KALRN: variants seen among roughly 807,000 people sequenced by gnomAD.
KALRN encodes kalirin.
A neutral mutation model predicts 353.7 loss-of-function variants in KALRN; 70 were observed. That is an observed-to-expected ratio of 0.20 (90% CI 0.16 to 0.24). KALRN has a LOEUF of 0.24. Among genes scored for constraint, KALRN ranks in the 10% least tolerant of loss-of-function variants. The pLI, the probability that KALRN is intolerant of heterozygous loss-of-function variation, is 1.00. For missense variants in KALRN, 2,791 were observed against 3,756.7 expected (o/e 0.74, Z 6.72); for synonymous variants, 1,391 against 1,434.8 (o/e 0.97, Z 0.69).
At chr3:124,195,914 G>A (rs1354189710) in intron 1 of KALRN, among the ~76,000 whole-genome samples, 1 of 152,188 alleles carries the variant, frequency 6.6e-6, no homozygotes, top group Non-Finnish European at 1.5e-5. Context: ...TTTGCTTTGG[G>A]AGAAGGAAGA....
At chr3:124,572,637 G>A (rs987504665) in intron 34 of KALRN, among the ~76,000 whole-genome samples, 11 of 152,136 alleles carry the variant, frequency 7.2e-5, no homozygotes, top group African/African-American at 2.7e-4. Context: ...GAGGCTCAAG[G>A]GTAGAAATGT....
intron 1 of KALRN, among the ~76,000 whole-genome samples, chr3:124,045,788 G>T (rs912441643): frequency 1.3e-5 from 2 of 151,362 alleles, no homozygotes; most frequent in Non-Finnish European, 2.9e-5. Context: ...ACAGGTGATT[G>T]CAGTGTAGTA....
intron 28 of KALRN, among the ~76,000 whole-genome samples, chr3:124,485,888 G>T (rs753171495): frequency 6.6e-6 from 1 of 152,052 alleles, no homozygotes; most frequent in South Asian, 2.1e-4. Flanking sequence ...TCAAAAAAAA[G>T]AAGAAGATAG....
At chr3:124,326,657 G>A (rs2079946169) in intron 7 of KALRN, among the ~76,000 whole-genome samples, 1 of 152,194 alleles carries the variant, frequency 6.6e-6, no homozygotes, top group Non-Finnish European at 1.5e-5. Context: ...CCAGGCATTG[G>A]CCAGTGACAT....
In KALRN at chr3:124,269,252, G is replaced by A. The variant is rs1187353393; in HGVS notation, c.966G>A (p.Glu322=). Residue 322 remains glutamate, a synonymous_variant, in exon 5 of 60, where the codon GAG becomes GAA. Transcript: ENST00000682506. ...FQLRLFEQDA[E]KMFDWISHNK... ...TGCGGCTCTTCGAGCAGGATGCTGA[G>A]AAGGTAGGAAGGGAACAGGCCAAAC... is the stretch of plus-strand genomic sequence containing the variant. 6.3e-7 allele frequency: 1 copy of A among 1,592,388 alleles called. No individual in the cohort carries two copies. The highest frequency in any genetic ancestry group is 1.3e-5 in the African/African-American group (1 of 74,570).
rs1044149258 is a variant in KALRN at position 124,572,109 on chromosome 3, G to A, written c.5182+9020G>A. ...AGGCCAAGGCAGATGGATCACTTGAGCTCAGGAGTTCTAGACCAGACTGGG... is the reference window on the plus strand; with the variant it reads ...AGGCCAAGGCAGATGGATCACTTGAACTCAGGAGTTCTAGACCAGACTGGG... On this transcript the variant is annotated intron_variant, in intron 34 of 59. Transcript: ENST00000682506. Among the ~76,000 whole-genome samples the A allele has an allele frequency of 8.6e-4, 131 of 151,488 alleles. 2 individuals are homozygous for A. The highest frequency in any genetic ancestry group is 3.0e-3 in the African/African-American group (126 of 41,356).
chr3:124,286,156 T>TCTTTCTTTC (rs2075878220), intron 5 of KALRN, among the ~76,000 whole-genome samples: 1 of 150,264 alleles, frequency 6.7e-6, no homozygotes, highest in Non-Finnish European at 1.5e-5. Flanking sequence ...TTCTTTCCTT[T>TCTTTCTTTC]CTTTCGTCTT....
chr3:124,637,897 T>A (rs1325029772), intron 37 of KALRN, among the ~76,000 whole-genome samples: 3 of 152,170 alleles, frequency 2.0e-5, no homozygotes. Context: ...CATGGACCCA[T>A]CAGCCCGTTG....
chr3:124,065,961 C>T (rs987456852), intron 1 of KALRN, among the ~76,000 whole-genome samples: 7 of 152,212 alleles, frequency 4.6e-5, no homozygotes, highest in African/African-American at 1.7e-4. Flanking sequence ...CAACTCAGCT[C>T]ACTTTCCAGT....
chr3:124,401,207 G>A (rs1353534319), intron 13 of KALRN, among the ~76,000 whole-genome samples: 1 of 152,168 alleles, frequency 6.6e-6, no homozygotes, highest in Admixed American at 6.5e-5. Context: ...AGAGGAACTT[G>A]ACACTTAAAT....
At chr3:124,613,014 A>G (rs1216149863) in intron 34 of KALRN, among the ~76,000 whole-genome samples, 1 of 152,192 alleles carries the variant, frequency 6.6e-6, no homozygotes, top group African/African-American at 2.4e-5. Context: ...TGCAAAGGAT[A>G]TCTGCAGGGA....
chr3:124,532,123 A>G (rs1038661382), intron 33 of KALRN, among the ~76,000 whole-genome samples: 1 of 152,198 alleles, frequency 6.6e-6, no homozygotes, highest in African/African-American at 2.4e-5. Context: ...GATTCTCTAC[A>G]CAGTAGATGA....
intron 3 of KALRN, among the ~76,000 whole-genome samples, chr3:124,240,183 T>A (rs995417749): frequency 6.6e-6 from 1 of 152,286 alleles, no homozygotes; most frequent in South Asian, 2.1e-4. Context: ...CTAGGAAACA[T>A]AAAGCCACAG....
intron 13 of KALRN, among the ~76,000 whole-genome samples, chr3:124,400,153 C>G (rs1292451924): frequency 6.6e-6 from 1 of 151,928 alleles, no homozygotes; most frequent in Non-Finnish European, 1.5e-5. Flanking sequence ...TTTAATATAT[C>G]GAAAGCTCCA....
chr3:124,065,574 A>T (rs1577712924), intron 1 of KALRN, among the ~76,000 whole-genome samples: 1 of 145,074 alleles, frequency 6.9e-6, no homozygotes, highest in South Asian at 2.3e-4. Context: ...AATCTAGGTT[A>T]TGGTGACTAG....
At position 124,381,061 on chromosome 3, in the gene KALRN, A is replaced by G. The variant is rs182560121; in HGVS notation, c.1771-3784A>G. 8.5e-5 allele frequency among the ~76,000 whole-genome samples: 13 copies of G among 152,334 alleles called. No individual in the cohort carries two copies. In the East Asian group the frequency reaches 2.5e-3, roughly 29 times the overall value. On this transcript the variant is annotated intron_variant, in intron 10 of 59. Coordinates refer to ENST00000682506, the MANE Select transcript of KALRN (RefSeq NM_001388419.1). The stretch of plus-strand genomic sequence containing the variant: ...GATGAGAAAGACAAAAATTTGCACT[A>G]GAAAGTAGCAGGTACCATGGAGAGG...
chr3:124,343,278 C>T (rs2081953927), intron 9 of KALRN, among the ~76,000 whole-genome samples: 1 of 152,208 alleles, frequency 6.6e-6, no homozygotes, highest in Non-Finnish European at 1.5e-5. Context: ...CCTCCTCAGC[C>T]TCTTGGGTAG....
chr3:124,072,821 A>G lies in KALRN; in HGVS notation c.73+39008A>G, dbSNP rs192615472. On this transcript the variant is annotated intron_variant, in intron 1 of 59. Coordinates refer to ENST00000682506, the MANE Select transcript of KALRN (RefSeq NM_001388419.1). Reference sequence around the variant, plus strand: ...TCAATTTAGAGAAAGATTGTGTAGAAGTTGCTGGCCAGCCAGGGCACTTCT... The same window carrying G: ...TCAATTTAGAGAAAGATTGTGTAGAGGTTGCTGGCCAGCCAGGGCACTTCT... 2.0e-4 allele frequency among the ~76,000 whole-genome samples: 31 copies of G among 152,322 alleles called. 1 individual carries two copies. In the East Asian group the frequency reaches 5.8e-3, roughly 28 times the overall value.
In KALRN at chr3:124,519,423, C is replaced by T. The variant is rs1366139010; in HGVS notation, c.4935+23010C>T. The T allele has an allele frequency of 1.5e-5, 15 of 985,284 alleles. No homozygotes were observed. In the African/African-American group the frequency reaches 2.6e-4, roughly 17 times the overall value. The allele number at this position is 985,284 out of a possible 1,614,324, so 61.0% of individuals were successfully genotyped here. On this transcript the variant is annotated intron_variant, in intron 33 of 59. Coordinates refer to ENST00000682506, the MANE Select transcript of KALRN (RefSeq NM_001388419.1). ...GGAAACCCCACACCAAGGCAAGAGGCAGAGATGATGATTCCATTTCATATA... is the reference window on the plus strand; with the variant it reads ...GGAAACCCCACACCAAGGCAAGAGGTAGAGATGATGATTCCATTTCATATA...
Sources: allele counts gnomAD v4.1 joint callset (sites outside exome capture counted in the v4.1 genomes callset), GRCh38; gene constraint gnomAD v4.1.1; transcripts MANE v1.5; gene names NCBI Gene and HGNC (gene_info 2026-07-23, HGNC 2026-07-21).